The following TOX variants were observed in gnomAD, a reference collection of about 807,000 sequenced individuals.
TOX encodes the protein thymocyte selection-associated high mobility group box protein TOX.
TOX carries 11 observed loss-of-function variants against 53.7 expected under a neutral mutation model. The observed-to-expected ratio is 0.20, with a 90% CI of 0.13 to 0.34. TOX has a LOEUF of 0.34. Among genes scored for constraint, TOX ranks in the 10% least tolerant of loss-of-function variants. TOX has a pLI of 1.00. For synonymous variants in TOX, 225 were observed against 245.3 expected, an observed-to-expected ratio of 0.92 and a Z score of 0.77; for missense variants, 570 against 664.6, an observed-to-expected ratio of 0.86 and a Z score of 1.56.
intron 3 of TOX, among the ~76,000 whole-genome samples, chr8:58,856,834 C>T (rs1209950867): frequency 2.0e-5 from 3 of 151,462 alleles, no homozygotes; most frequent in African/African-American, 7.3e-5. Context: ...AGACATGGCA[C>T]CATAAGGACG....
At chr8:59,028,250 C>T (rs952420285) in intron 1 of TOX, among the ~76,000 whole-genome samples, 14 of 150,586 alleles carry the variant, frequency 9.3e-5, no homozygotes, top group African/African-American at 3.2e-4. Context: ...TTTTTTTTTT[C>T]CTTCGAAAGG....
intron 2 of TOX, among the ~76,000 whole-genome samples, chr8:58,943,305 G>A (rs568290348): frequency 6.6e-6 from 1 of 152,164 alleles, no homozygotes; most frequent in Non-Finnish European, 1.5e-5. Flanking sequence ...TGATGCCCAT[G>A]CCTGGCCAGA....
chr8:58,903,843 A>G (rs1811769147), intron 3 of TOX, among the ~76,000 whole-genome samples: 1 of 152,210 alleles, frequency 6.6e-6, no homozygotes, highest in South Asian at 2.1e-4. Context: ...AGTTACAGAA[A>G]TATATAATAT....
At chr8:59,055,731 T>A (rs1194964700) in intron 1 of TOX, among the ~76,000 whole-genome samples, 1 of 152,082 alleles carries the variant, frequency 6.6e-6, no homozygotes, top group Non-Finnish European at 1.5e-5. Flanking sequence ...ACACTTTAAT[T>A]TTAAAGTGGG....
At chr8:58,966,121 G>A (rs35681014) in intron 1 of TOX, among the ~76,000 whole-genome samples, 2 of 152,074 alleles carry the variant, frequency 1.3e-5, no homozygotes, top group African/African-American at 4.8e-5. Context: ...CCAGTCTCAA[G>A]AGAAGATGTC....
In TOX at chr8:58,936,343, C is replaced by T. The variant is rs142791656; in HGVS notation, c.411+2959G>A. 8.1e-4 allele frequency among the ~76,000 whole-genome samples: 123 copies of T among 152,272 alleles called. 6 individuals are homozygous for T. The East Asian group carries it at 0.023, about 28-fold the overall frequency. Reference sequence around the variant, plus strand: ...TATACCCAAACCAGAGTATAAAACTCTTTCAACTAAGAGTTCCTACTGAGT... The same window carrying T: ...TATACCCAAACCAGAGTATAAAACTTTTTCAACTAAGAGTTCCTACTGAGT... On this transcript the variant is annotated intron_variant, in intron 3 of 8. Transcript: ENST00000361421.
chr8:59,019,078 A>AT (rs1431250381), intron 1 of TOX, among the ~76,000 whole-genome samples: 2 of 151,988 alleles, frequency 1.3e-5, no homozygotes, highest in Non-Finnish European at 2.9e-5. Context: ...ATTTTATAAA[A>AT]TTTTTTTCAT....
chr8:58,972,159 C>T (rs7837624), intron 1 of TOX, among the ~76,000 whole-genome samples: 14,248 of 152,116 alleles, frequency 0.094, 822 homozygotes, highest in Admixed American at 0.17. Context: ...CATACATAGA[C>T]GTGCATATTC....
At chr8:59,019,791 G>A (rs1814087577) in intron 1 of TOX, among the ~76,000 whole-genome samples, 1 of 152,084 alleles carries the variant, frequency 6.6e-6, no homozygotes, top group South Asian at 2.1e-4. Context: ...TTCTACTTTG[G>A]AATCATTACA....
At chr8:59,083,605 A>G (rs1195269545) in intron 1 of TOX, among the ~76,000 whole-genome samples, 1 of 152,176 alleles carries the variant, frequency 6.6e-6, no homozygotes, top group Non-Finnish European at 1.5e-5. Flanking sequence ...AGAAAAAAAC[A>G]ATTGAACCCT....
chr8:58,931,877 G>A (rs1812260666), intron 3 of TOX, among the ~76,000 whole-genome samples: 1 of 152,150 alleles, frequency 6.6e-6, no homozygotes, highest in South Asian at 2.1e-4. Flanking sequence ...AGTGAATCTT[G>A]AGTCTGATTA....
chr8:58,850,914 G>A (rs1391966037), intron 4 of TOX, among the ~76,000 whole-genome samples: 1 of 152,044 alleles, frequency 6.6e-6, no homozygotes, highest in Non-Finnish European at 1.5e-5. Flanking sequence ...AAGAAAAGGT[G>A]GCTGACATAA....
chr8:59,000,163 A>T (rs1396847102), intron 1 of TOX, among the ~76,000 whole-genome samples: 10 of 152,146 alleles, frequency 6.6e-5, no homozygotes, highest in Non-Finnish European at 1.3e-4. Flanking sequence ...AGAGGAGGAA[A>T]TCCTTTGGAG....
intron 1 of TOX, chr8:58,991,868 G>A (rs933656212): frequency 6.6e-6 from 1 of 152,264 alleles, no homozygotes; most frequent in Non-Finnish European, 1.5e-5. Flanking sequence ...TGCTCTTCCC[G>A]ACTGTAATCA....
intron 4 of TOX, among the ~76,000 whole-genome samples, chr8:58,842,624 T>G (rs1017653461): frequency 2.6e-5 from 4 of 152,166 alleles, no homozygotes; most frequent in African/African-American, 9.7e-5. Flanking sequence ...GGTACGGGCT[T>G]TAGATCTACT....
At chr8:58,892,184 T>G (rs59023019) in intron 3 of TOX, among the ~76,000 whole-genome samples, 1,934 of 152,308 alleles carry the variant, frequency 0.013, 45 homozygotes, top group African/African-American at 0.044. Flanking sequence ...CAGCCATTGT[T>G]GTATAACATT....
intron 3 of TOX, among the ~76,000 whole-genome samples, chr8:58,887,696 C>G (rs147559724): frequency 2.6e-5 from 4 of 152,016 alleles, no homozygotes; most frequent in Admixed American, 1.3e-4. Flanking sequence ...TACTGTTTTT[C>G]TGTTTTGCTT....
At chr8:59,006,012 G>C (rs1563415959) in intron 1 of TOX, among the ~76,000 whole-genome samples, 1 of 152,176 alleles carries the variant, frequency 6.6e-6, no homozygotes, top group Non-Finnish European at 1.5e-5. Flanking sequence ...TCCCAGATGT[G>C]CACACAGGAT....
chr8:58,888,174 G>A (rs1811503809), intron 3 of TOX, among the ~76,000 whole-genome samples: 1 of 152,024 alleles, frequency 6.6e-6, no homozygotes, highest in Admixed American at 6.6e-5. Flanking sequence ...GTCCACTGTT[G>A]ACTGAAATGT....
Sources: allele counts gnomAD v4.1 joint callset (sites outside exome capture counted in the v4.1 genomes callset), GRCh38; gene constraint gnomAD v4.1.1; transcripts MANE v1.5; gene names NCBI Gene and HGNC (gene_info 2026-07-23, HGNC 2026-07-21).